CNTNAP2: variants seen among roughly 807,000 people sequenced by gnomAD.
CNTNAP2 encodes the protein contactin associated protein 2, also known as contactin-associated protein-like 2.
CNTNAP2 carries 98 observed loss-of-function variants against 155.2 expected under a neutral mutation model. The observed-to-expected ratio is 0.63, with a 90% CI of 0.54 to 0.75. The LOEUF (loss-of-function observed/expected upper bound fraction) is 0.75. Among genes scored for constraint, CNTNAP2 ranks in the 30% least tolerant of loss-of-function variants. The probability of loss-of-function intolerance (pLI) is 0.00; values close to 1 mark genes in which losing one functional copy is unlikely to be tolerated. For synonymous variants in CNTNAP2, 651 were observed against 631.2 expected, an observed-to-expected ratio of 1.03 and a Z score of -0.47; for missense variants, 1,727 against 1,688.1, an observed-to-expected ratio of 1.02 and a Z score of -0.40.
At chr7:147,746,658 C>T (rs1274366494) in intron 13 of CNTNAP2, among the ~76,000 whole-genome samples, 1 of 152,112 alleles carries the variant, frequency 6.6e-6, no homozygotes, top group Non-Finnish European at 1.5e-5. Flanking sequence ...GGCAGGAGTT[C>T]TCATTGACAC....
intron 1 of CNTNAP2, among the ~76,000 whole-genome samples, chr7:146,448,823 C>T (rs867700503): frequency 2.0e-5 from 3 of 152,064 alleles, no homozygotes; most frequent in African/African-American, 7.2e-5. Flanking sequence ...AAAACGTCAC[C>T]CATCAGCCCT....
intron 16 of CNTNAP2, among the ~76,000 whole-genome samples, chr7:148,137,621 C>T (rs1481957213): frequency 6.6e-6 from 1 of 150,456 alleles, no homozygotes; most frequent in African/African-American, 2.5e-5. Flanking sequence ...GAGATCACAC[C>T]ATTGCACTCC....
intron 1 of CNTNAP2, among the ~76,000 whole-genome samples, chr7:146,544,722 G>C (rs917619): frequency 6.6e-6 from 1 of 151,172 alleles, no homozygotes; most frequent in Non-Finnish European, 1.5e-5. Flanking sequence ...TGAAGGAGTT[G>C]ATATTAAGCA....
At chr7:146,895,123 T>C (rs1313036844) in intron 3 of CNTNAP2, among the ~76,000 whole-genome samples, 20 of 152,054 alleles carry the variant, frequency 1.3e-4, no homozygotes, top group Admixed American at 1.2e-3. Flanking sequence ...TACGTTTAGC[T>C]TAAGATTAAT....
intron 1 of CNTNAP2, among the ~76,000 whole-genome samples, chr7:146,470,442 C>T (rs115650616): frequency 3.2e-3 from 483 of 152,300 alleles, no homozygotes; most frequent in Middle Eastern, 0.01. Context: ...CTACCTGATA[C>T]GTCCCTTTCT....
chr7:148,013,460 G>A (rs1208665585), intron 15 of CNTNAP2, among the ~76,000 whole-genome samples: 11 of 152,180 alleles, frequency 7.2e-5, no homozygotes, highest in Middle Eastern at 3.4e-3. Flanking sequence ...ACAGTCCCAG[G>A]CATCACCTGG....
Position 147,154,848 on chromosome 7 carries a change from A to T in CNTNAP2, c.1348+22339A>T, listed in dbSNP as rs1444048135. Among the ~76,000 whole-genome samples the T allele has an allele frequency of 2.0e-5, 3 of 152,178 alleles. No homozygotes were observed. In the East Asian group the frequency reaches 5.8e-4, roughly 29 times the overall value. ...TCTGATATAGTTTCTGATAGAAAAA[A>T]AAAAGAAACAAAAACATATAGTTAG... On this transcript the variant is annotated intron_variant, in intron 8 of 23. Coordinates refer to ENST00000361727, the MANE Select transcript of CNTNAP2 (RefSeq NM_014141.6).
chr7:146,299,999 G>T (rs920319433), intron 1 of CNTNAP2, among the ~76,000 whole-genome samples: 3 of 152,078 alleles, frequency 2.0e-5, no homozygotes, highest in Non-Finnish European at 2.9e-5. Flanking sequence ...AATATAAGCT[G>T]GTCGTTTAGA....
intron 14 of CNTNAP2, among the ~76,000 whole-genome samples, chr7:147,928,007 T>C (rs529857002): frequency 1.3e-4 from 20 of 152,336 alleles, no homozygotes; most frequent in African/African-American, 2.9e-4. Context: ...TGGGAGATCA[T>C]TGAATTATGG....
chr7:147,776,710 T>C (rs562790487), intron 13 of CNTNAP2, among the ~76,000 whole-genome samples: 1 of 152,246 alleles, frequency 6.6e-6, no homozygotes, highest in South Asian at 2.1e-4. Flanking sequence ...AAATTTTTTT[T>C]GATTCTAAGA....
chr7:148,092,725 G>C (rs1016042133), intron 15 of CNTNAP2, among the ~76,000 whole-genome samples: 3 of 152,102 alleles, frequency 2.0e-5, no homozygotes, highest in Non-Finnish European at 4.4e-5. Flanking sequence ...CGCTGGGGTT[G>C]CTGCTACTAT....
At chr7:146,963,131 A>T (rs1025440127) in intron 3 of CNTNAP2, 3 of 152,250 alleles carry the variant, frequency 2.0e-5, no homozygotes, top group Non-Finnish European at 4.4e-5. Flanking sequence ...AAAATTCATT[A>T]TAAAGAGTTT....
intron 1 of CNTNAP2, among the ~76,000 whole-genome samples, chr7:146,357,797 G>A (rs1795020926): frequency 6.6e-6 from 1 of 151,466 alleles, no homozygotes; most frequent in Admixed American, 6.6e-5. Flanking sequence ...GTAAACATCA[G>A]AATCAAAAAT....
intron 4 of CNTNAP2, among the ~76,000 whole-genome samples, chr7:147,097,974 A>G (rs1016448886): frequency 6.6e-6 from 1 of 152,224 alleles, no homozygotes; most frequent in African/African-American, 2.4e-5. Flanking sequence ...CAGTTAGTAT[A>G]AAATCCCTAA....
intron 18 of CNTNAP2, among the ~76,000 whole-genome samples, chr7:148,208,348 G>A (rs10254641): frequency 0.41 from 62,227 of 151,950 alleles, 14,051 homozygotes; most frequent in Non-Finnish European, 0.51. Context: ...GCTTGAGTTT[G>A]GGTTTCCCAT....
At chr7:146,633,386 G>C (rs1477664373) in intron 1 of CNTNAP2, among the ~76,000 whole-genome samples, 1 of 152,104 alleles carries the variant, frequency 6.6e-6, no homozygotes, top group Non-Finnish European at 1.5e-5. Flanking sequence ...CCATTCTACA[G>C]CATTTCTGGC....
rs568124327 is a variant in CNTNAP2, at chr7:146,761,735, A to C, written c.98-12536A>C. Among the ~76,000 whole-genome samples the C allele has an allele frequency of 6.6e-5, 10 of 150,478 alleles. No individual in the cohort carries two copies. In the South Asian group the frequency reaches 2.1e-3, roughly 32 times the overall value. ...CTTACCTTGCCTCCTCCCTTTGTTC[A>C]CTCCTTTCAATTGCGATTATCCCAT... On this transcript the variant is annotated intron_variant, in intron 1 of 23. Coordinates refer to ENST00000361727, the MANE Select transcript of CNTNAP2 (RefSeq NM_014141.6).
At chr7:147,662,540 C>T (rs142949209) in intron 13 of CNTNAP2, among the ~76,000 whole-genome samples, 2,533 of 152,304 alleles carry the variant, frequency 0.017, 223 homozygotes, top group Admixed American at 0.15. Context: ...TCCCTAAAGG[C>T]TTCTTTTTGC....
chr7:147,545,143 T>C (rs1438139993), intron 11 of CNTNAP2, among the ~76,000 whole-genome samples: 1 of 152,166 alleles, frequency 6.6e-6, no homozygotes, highest in Non-Finnish European at 1.5e-5. Context: ...TATTACTGGA[T>C]TTACTTTTTC....
Sources: gnomAD v4.1 joint callset for allele counts (sites outside exome capture counted in the v4.1 genomes callset) on GRCh38, gnomAD v4.1.1 for gene constraint, MANE v1.5 for transcripts, NCBI Gene and HGNC (gene_info 2026-07-23, HGNC 2026-07-21) for gene names.